Variants in ADAP1 observed in about 807,000 individuals in gnomAD.
ADAP1 encodes arf-GAP with dual PH domain-containing protein 1.
Under a neutral mutation model 54.9 loss-of-function variants are expected in ADAP1, and 31 were observed. The ratio of observed to expected loss-of-function variants is 0.56; its 90% CI spans 0.42 to 0.76. ADAP1 has a LOEUF of 0.76. Among genes scored for constraint, ADAP1 ranks in the 30% least tolerant of loss-of-function variants. ADAP1 has a pLI of 0.00. For missense variants in ADAP1, 535 were observed against 512.4 expected (o/e 1.04, Z -0.42); for synonymous variants, 313 against 202.6 (o/e 1.55, Z -4.63).
rs377158994 is a variant in ADAP1 at position 900,203 on chromosome 7, C to T, written c.733-39G>A. On this transcript the variant is annotated intron_variant, in intron 7 of 10. Coordinates refer to ENST00000265846, the MANE Select transcript of ADAP1 (RefSeq NM_006869.4). The stretch of plus-strand genomic sequence containing the variant: ...CACCAGGCAGGGGACCTCAGAAGTG[C>T]AGCTCAGGCCGAGCCCCTCCCTGGC... 7 of 1,610,924 alleles carry T rather than the reference C, an allele frequency of 4.3e-6. No individual in the cohort carries two copies. The African/African-American group carries it at 9.3e-5, about 22-fold the overall frequency.
chr7:922,150 C>A (rs1253727852), intron 3 of ADAP1, among the ~76,000 whole-genome samples: 3 of 152,218 alleles, frequency 2.0e-5, no homozygotes, highest in Non-Finnish European at 4.4e-5. Context: ...AGGGGCCGCA[C>A]TGACACCCCA....
chr7:955,230 G>T, upstream of ADAP1: 1 of 1,476,304 alleles, frequency 6.8e-7, no homozygotes, highest in South Asian at 1.2e-5. Flanking sequence ...GGCAGGCTGA[G>T]GGGCCCCGCC....
chr7:908,929 G>T lies in ADAP1; in HGVS notation c.389-3757C>A, dbSNP rs1038097234. 2.0e-5 allele frequency among the ~76,000 whole-genome samples: 3 copies of T among 152,230 alleles called. No homozygotes were observed. In the South Asian group the frequency reaches 6.2e-4, roughly 31 times the overall value. ...TCCACAGACCCCTGCCCAGGACACAGCGGGGGCCCCTTCCAGCGACCGGGC... is the reference window on the plus strand; with the variant it reads ...TCCACAGACCCCTGCCCAGGACACATCGGGGGCCCCTTCCAGCGACCGGGC... On this transcript the variant is annotated intron_variant, in intron 4 of 10. Coordinates refer to ENST00000265846, the MANE Select transcript of ADAP1 (RefSeq NM_006869.4).
chr7:923,253 C>T (rs1291039118), intron 3 of ADAP1: 1 of 152,044 alleles, frequency 6.6e-6, no homozygotes, highest in African/African-American at 2.4e-5. Context: ...AGCCCGGACA[C>T]CTGCTCCACG....
chr7:902,639 A>G lies in ADAP1; in HGVS notation c.648+1487T>C, dbSNP rs1026371067. Among the ~76,000 whole-genome samples the G allele has an allele frequency of 1.5e-4, 23 of 151,806 alleles. 1 individual carries two copies. Among genetic ancestry groups the G allele is most frequent in the African/African-American group, 5.6e-4 (23 of 41,266 alleles). ...GAACCAGTTTAAGAGCACCAATAACAGGAGTTTCAGAAAATGAGAACAGGG... is the reference window on the plus strand; with the variant it reads ...GAACCAGTTTAAGAGCACCAATAACGGGAGTTTCAGAAAATGAGAACAGGG... On this transcript the variant is annotated intron_variant, in intron 6 of 10. Transcript: ENST00000265846.
chr7:901,171 C>T (rs1401532481), intron 6 of ADAP1: 9 of 374,058 alleles, frequency 2.4e-5, no homozygotes, highest in African/African-American at 1.7e-4. Flanking sequence ...TGGGCCAGCA[C>T]CCTGGAACAG....
Position 900,778 on chromosome 7 carries a change from C to T in ADAP1, c.649-162G>A. On this transcript the variant is annotated intron_variant, in intron 6 of 10. Transcript: ENST00000265846. ...CAGCAGTCCTGCCGCAGGCCTGGCC[C>T]CTGTGCCCACGCTGAGGCCGGGGCT... 1.0e-5 allele frequency: 7 copies of T among 676,820 alleles called. No individual in the cohort carries two copies. The East Asian group carries it at 1.9e-4, about 19-fold the overall frequency. 41.9% of individuals were successfully genotyped at this position (676,820 alleles called of 1,614,324 possible). A position where few individuals can be genotyped will look rare whatever the true frequency, so the allele number is the denominator to read the frequency against.
chr7:948,614 T>C (rs1847199244), intron 1 of ADAP1, among the ~76,000 whole-genome samples: 1 of 152,124 alleles, frequency 6.6e-6, no homozygotes, highest in African/African-American at 2.4e-5. Flanking sequence ...GGGGTCAGTT[T>C]GCTCCTCCCT....
rs1261071414 is a variant in ADAP1, at chr7:905,438, AGGGAGAAAG to A, written c.389-275_389-267del. The stretch of plus-strand genomic sequence containing the variant: ...GAGAAAGAGAAAGGAGAAAGGAGAA[AGGGAGAAAG>A]GGAGAAAGGGAAAGGAGAAAGGAGA... On this transcript the variant is annotated intron_variant, in intron 4 of 10. Coordinates refer to ENST00000265846, the MANE Select transcript of ADAP1 (RefSeq NM_006869.4). 2.4e-4 allele frequency: 22 copies of A among 92,532 alleles called. 1 individual carries two copies. The highest frequency in any genetic ancestry group is 1.8e-3 in the African/African-American group (8 of 4,546). 5.7% of individuals were successfully genotyped at this position (92,532 alleles called of 1,614,324 possible).
At chr7:931,979 G>A (rs1447360842) in intron 2 of ADAP1, among the ~76,000 whole-genome samples, 1 of 152,184 alleles carries the variant, frequency 6.6e-6, no homozygotes, top group African/African-American at 2.4e-5. Context: ...GGGAGCCAGG[G>A]GGGGCCCAGT....
intron 3 of ADAP1, among the ~76,000 whole-genome samples, chr7:922,040 C>T (rs377098064): frequency 2.6e-5 from 4 of 152,174 alleles, no homozygotes; most frequent in South Asian, 2.1e-4. Flanking sequence ...ACCAGGAAGT[C>T]GGGGGCTGGA....
chr7:929,359 G>T (rs1041957775), intron 2 of ADAP1, among the ~76,000 whole-genome samples: 4 of 151,104 alleles, frequency 2.6e-5, no homozygotes, highest in African/African-American at 9.7e-5. Context: ...TTGGACACAC[G>T]GTGCCCATGG....
At chr7:905,676 GAAAGGA>G (rs1845197880) in intron 4 of ADAP1, 2 of 30,750 alleles carry the variant, frequency 6.5e-5, no homozygotes, top group African/African-American at 2.0e-4. Flanking sequence ...AGGAGAAAGG[GAAAGGA>G]GAAAGGAGAA....
chr7:924,059 TCCGGGTTACA>T, intron 3 of ADAP1, among the ~76,000 whole-genome samples: 2 of 41,928 alleles, frequency 4.8e-5, no homozygotes, highest in Non-Finnish European at 4.7e-5. Context: ...CCCCCCGCCC[TCCGGGTTACA>T]CTGCAGGTCC....
intron 1 of ADAP1, among the ~76,000 whole-genome samples, chr7:952,900 G>A (rs182388784): frequency 2.6e-5 from 4 of 152,110 alleles, no homozygotes; most frequent in African/African-American, 9.7e-5. Context: ...CACCCACTGG[G>A]AGGGGAGGAC....
chr7:927,891 T>G (rs563584482), intron 2 of ADAP1, among the ~76,000 whole-genome samples: 1 of 151,970 alleles, frequency 6.6e-6, no homozygotes, highest in Admixed American at 6.6e-5. Context: ...TTATATTTTT[T>G]TACCTAGAAA....
chr7:919,730 G>A (rs1481332912), intron 4 of ADAP1, among the ~76,000 whole-genome samples: 2 of 40,506 alleles, frequency 4.9e-5, no homozygotes, highest in Non-Finnish European at 9.4e-5. Flanking sequence ...GGGGGTGGGT[G>A]GGAGAGACGG....
intron 1 of ADAP1, 88 bp from the exon 2 acceptor site, chr7:935,593 C>T: frequency 6.7e-7 from 1 of 1,498,170 alleles, no homozygotes; most frequent in Non-Finnish European, 9.0e-7. Context: ...GAGCCCCCGG[C>T]CATGCAGTGG....
chr7:902,283 A>G (rs1377013061), intron 6 of ADAP1, among the ~76,000 whole-genome samples: 3 of 148,266 alleles, frequency 2.0e-5, no homozygotes, highest in Admixed American at 6.8e-5. Flanking sequence ...ACATGAAGAA[A>G]CCCCGTCTCT....
Sources: allele counts gnomAD v4.1 joint callset (sites outside exome capture counted in the v4.1 genomes callset), GRCh38; gene constraint gnomAD v4.1.1; transcripts MANE v1.5; gene names NCBI Gene and HGNC (gene_info 2026-07-23, HGNC 2026-07-21).